The following NXNL2 variants were observed in gnomAD, a reference collection of about 807,000 sequenced individuals.
NXNL2 encodes the protein nucleoredoxin like 2, also known as nucleoredoxin-like protein 2.
NXNL2 carries 7 observed loss-of-function variants against 11.1 expected under a neutral mutation model. That is an observed-to-expected ratio of 0.63 (90% confidence interval 0.36 to 1.18). The LOEUF is 1.18. NXNL2 is among the 50% of genes most tolerant of loss of function. The pLI is 0.02. For synonymous variants in NXNL2, 109 were observed against 101.8 expected, an observed-to-expected ratio of 1.07 and a Z score of -0.42; for missense variants, 233 against 217.7, an observed-to-expected ratio of 1.07 and a Z score of -0.44.
chr9:88,573,268 C>T (rs556457907), intron 2 of NXNL2, among the ~76,000 whole-genome samples: 36 of 152,066 alleles, frequency 2.4e-4, no homozygotes, highest in Non-Finnish European at 3.5e-4. Context: ...CTCAGCCTCC[C>T]GGAGAGCTGG....
At chr9:88,555,047 C>A (rs980243216) in intron 1 of NXNL2, among the ~76,000 whole-genome samples, 2 of 152,174 alleles carry the variant, frequency 1.3e-5, no homozygotes, top group Admixed American at 1.3e-4. Flanking sequence ...TAACTCAGAC[C>A]AGATGGTACA....
At chr9:88,553,837 T>C (rs1480106665) in intron 1 of NXNL2, among the ~76,000 whole-genome samples, 1 of 152,228 alleles carries the variant, frequency 6.6e-6, no homozygotes, top group Non-Finnish European at 1.5e-5. Flanking sequence ...TCACTTTTCA[T>C]TCCTATGTTC....
chr9:88,551,493 T>C (rs1027158774), intron 1 of NXNL2, among the ~76,000 whole-genome samples: 2 of 152,166 alleles, frequency 1.3e-5, no homozygotes, highest in African/African-American at 4.8e-5. Flanking sequence ...CTGTCTCTCT[T>C]CTCTCCCTCC....
chr9:88,545,519 G>C (rs947118467), downstream of NXNL2, among the ~76,000 whole-genome samples: 16 of 152,182 alleles, frequency 1.1e-4, no homozygotes, highest in African/African-American at 3.9e-4. Flanking sequence ...AGCCCAGTGG[G>C]TGATACTCAG....
downstream of NXNL2, among the ~76,000 whole-genome samples, chr9:88,577,475 G>A (rs1328579022): frequency 6.6e-6 from 1 of 152,108 alleles, no homozygotes; most frequent in Non-Finnish European, 1.5e-5. Context: ...CAGGCTGGGG[G>A]CTCAAATGGC....
Position 88,570,707 on chromosome 9 carries a change from T to C in NXNL2, c.303-380T>C, listed in dbSNP as rs527737526. On this transcript the variant is annotated intron_variant, in intron 1 of 2. Transcript: ENST00000375855. ...GGTTCATTTGGTTAGCTTCAGAGAA[T>C]CTCAGATTTAACAGGAAGAGCCCAA... Among the ~76,000 whole-genome samples, 4 of 152,302 alleles carry C rather than the reference T, an allele frequency of 2.6e-5. No individual in the cohort carries two copies. In the South Asian group the frequency reaches 8.3e-4, roughly 32 times the overall value.
chr9:88,546,837 G>T (rs1029954520), downstream of NXNL2, among the ~76,000 whole-genome samples: 3 of 152,182 alleles, frequency 2.0e-5, no homozygotes, highest in Non-Finnish European at 4.4e-5. Context: ...TGTGCCCCTT[G>T]TGTTCCAGAA....
chr9:88,561,528 G>A (rs1324457352), intron 1 of NXNL2, among the ~76,000 whole-genome samples: 1 of 151,748 alleles, frequency 6.6e-6, no homozygotes, highest in Non-Finnish European at 1.5e-5. Flanking sequence ...GTCCCTCTAG[G>A]AGAACCCTGA....
chr9:88,539,789 G>A (rs568417667), intron 1 of NXNL2: 1 of 152,180 alleles, frequency 6.6e-6, no homozygotes, highest in South Asian at 2.1e-4. Flanking sequence ...CTGGGTTCAA[G>A]TGATTCTCCT....
chr9:88,552,406 A>G (rs1829947745), intron 1 of NXNL2, among the ~76,000 whole-genome samples: 1 of 151,926 alleles, frequency 6.6e-6, no homozygotes, highest in South Asian at 2.1e-4. Context: ...CTCCTTTTAA[A>G]ATTTTACTTA....
Position 88,535,293 on chromosome 9 carries a change from C to T in NXNL2, c.-142C>T, listed in dbSNP as rs1305728495. The stretch of plus-strand genomic sequence containing the variant: ...AGGCGAGGCCTGGCCAAGGTGTGGG[C>T]GCATCTGGGGCAGGTCTTGAGAGGT... On this transcript the variant is annotated 5_prime_UTR_variant, in exon 1 of 2. Coordinates refer to ENST00000375854, the MANE Select transcript of NXNL2 (RefSeq NM_001161625.2). 3.9e-5 allele frequency: 29 copies of T among 746,446 alleles called. No individual in the cohort carries two copies. The highest frequency in any genetic ancestry group is 5.9e-5 in the Non-Finnish European group (28 of 478,068). 46.2% of individuals were successfully genotyped at this position (746,446 alleles called of 1,614,324 possible).
At chr9:88,565,726 AG>A (rs1830159448) in intron 1 of NXNL2, among the ~76,000 whole-genome samples, 1 of 151,968 alleles carries the variant, frequency 6.6e-6, no homozygotes, top group Non-Finnish European at 1.5e-5. Flanking sequence ...TAGTAGAGAG[AG>A]GGTTTCACCA....
In NXNL2 at chr9:88,575,034, G is replaced by T. The variant is rs1830328801; in HGVS notation, c.*17-53G>T. 5 of 489,962 alleles carry T rather than the reference G, an allele frequency of 1.0e-5. No homozygotes were observed. The South Asian group carries it at 4.4e-4, about 43-fold the overall frequency. 30.4% of individuals were successfully genotyped at this position (489,962 alleles called of 1,614,324 possible). A position where few individuals can be genotyped will look rare whatever the true frequency, so the allele number is the denominator to read the frequency against. ...ACTGCATTTTTAAGCTTAAGAGGAG[G>T]TCATTAAAAGATCTGGCACTAAGCT... On this transcript the variant is annotated intron_variant, in intron 2 of 2. Coordinates refer to the NXNL2 transcript ENST00000375855.
intron 1 of NXNL2, among the ~76,000 whole-genome samples, chr9:88,553,460 C>T (rs1213550204): frequency 6.6e-6 from 1 of 152,218 alleles, no homozygotes; most frequent in African/African-American, 2.4e-5. Context: ...TGTGGCTCTG[C>T]TCCCCACCCT....
chr9:88,550,216 C>A (rs539363929), intron 1 of NXNL2, among the ~76,000 whole-genome samples: 111 of 152,282 alleles, frequency 7.3e-4, no homozygotes, highest in African/African-American at 2.5e-3. Context: ...GAGAAATCCA[C>A]CCCCATGATC....
intron 1 of NXNL2, among the ~76,000 whole-genome samples, chr9:88,543,791 T>A (rs937099464): frequency 2.0e-5 from 3 of 152,210 alleles, no homozygotes; most frequent in African/African-American, 7.2e-5. Flanking sequence ...CAGCCATACG[T>A]GGCTGGTGGC....
At chr9:88,572,257 C>T (rs1007221700) in intron 2 of NXNL2, among the ~76,000 whole-genome samples, 4 of 152,188 alleles carry the variant, frequency 2.6e-5, no homozygotes, top group African/African-American at 9.7e-5. Flanking sequence ...TATGCCAGCC[C>T]TTGTGCCTGC....
downstream of NXNL2, among the ~76,000 whole-genome samples, chr9:88,547,406 C>A (rs1405314416): frequency 1.3e-5 from 2 of 152,162 alleles, no homozygotes; most frequent in East Asian, 3.9e-4. Context: ...ACTGAGAGAA[C>A]ACACGTATAC....
chr9:88,577,657 C>G (rs1032867026), downstream of NXNL2, among the ~76,000 whole-genome samples: 1 of 150,102 alleles, frequency 6.7e-6, no homozygotes, highest in African/African-American at 2.5e-5. Flanking sequence ...AGAGAGCGAG[C>G]GAGCGCAGCA....
Sources: allele counts gnomAD v4.1 joint callset (sites outside exome capture counted in the v4.1 genomes callset), GRCh38; gene constraint gnomAD v4.1.1; transcripts MANE v1.5; gene names NCBI Gene and HGNC (gene_info 2026-07-23, HGNC 2026-07-21).